CRYBG1: variants seen among roughly 807,000 people sequenced by gnomAD.
CRYBG1 encodes the protein crystallin beta-gamma domain containing 1.
A neutral mutation model predicts 189.2 loss-of-function variants in CRYBG1; 139 were observed. The observed-to-expected ratio is 0.73, with a 90% CI of 0.64 to 0.85. The LOEUF is 0.85. CRYBG1 is among the 40% of genes least tolerant of loss of function. The pLI is 0.00. For synonymous variants in CRYBG1, 1,023 were observed against 1,017.1 expected, an observed-to-expected ratio of 1.01 and a Z score of -0.11; for missense variants, 2,611 against 2,675.8, an observed-to-expected ratio of 0.98 and a Z score of 0.53.
chr6:106,435,561 C>T (rs1023688219), intron 1 of CRYBG1, among the ~76,000 whole-genome samples: 1 of 152,084 alleles, frequency 6.6e-6, no homozygotes, highest in African/African-American at 2.4e-5. Flanking sequence ...GTGAATTTCT[C>T]TGCAGTATTG....
chr6:106,464,787 G>A (rs1046937432), intron 2 of CRYBG1, among the ~76,000 whole-genome samples: 5 of 152,130 alleles, frequency 3.3e-5, no homozygotes, highest in African/African-American at 7.2e-5. Flanking sequence ...TACTTCTTCC[G>A]AGAATTAACT....
intron 21 of CRYBG1, 103 bp from the exon 22 acceptor site, chr6:106,568,369 G>A (rs1774953652): frequency 3.2e-6 from 3 of 925,394 alleles, no homozygotes; most frequent in Admixed American, 3.9e-5. Context: ...TCTACACCTT[G>A]TTTACTTGCT....
intron 10 of CRYBG1, among the ~76,000 whole-genome samples, chr6:106,542,507 T>C (rs1774156048): frequency 1.3e-5 from 2 of 151,742 alleles, no homozygotes; most frequent in Non-Finnish European, 2.9e-5. Flanking sequence ...CTCAAACTCC[T>C]GAGCTCAAGT....
intron 21 of CRYBG1, among the ~76,000 whole-genome samples, chr6:106,566,362 T>C (rs1187202660): frequency 6.6e-6 from 1 of 151,896 alleles, no homozygotes; most frequent in Non-Finnish European, 1.5e-5. Context: ...CCAGAGCCCC[T>C]TCCTAAATGA....
chr6:106,401,463 A>G (rs1770718609), intron 1 of CRYBG1, among the ~76,000 whole-genome samples: 1 of 135,004 alleles, frequency 7.4e-6, no homozygotes, highest in African/African-American at 2.9e-5. Context: ...TGTGCAGGTT[A>G]GTTACATATG....
At chr6:106,454,963 C>T (rs960095444) in intron 2 of CRYBG1, 3 of 152,144 alleles carry the variant, frequency 2.0e-5, no homozygotes, top group African/African-American at 7.2e-5. Context: ...CTTGTATAAA[C>T]AAATACGGAT....
At position 106,433,753 on chromosome 6, in the gene CRYBG1, ATATGTG is replaced by A. The variant is rs1164926291; in HGVS notation, c.174-17937_174-17932del. On this transcript the variant is annotated intron_variant, in intron 1 of 21. Coordinates refer to ENST00000633556, the MANE Select transcript of CRYBG1 (RefSeq NM_001371242.2). Reference sequence around the variant, plus strand: ...TATATATACATATATATGTATATATATATGTGTATATATATATATGTATATATATAT... The same window carrying A: ...TATATATACATATATATGTATATATATATATATATATATGTATATATATAT... 2.7e-3 allele frequency among the ~76,000 whole-genome samples: 99 copies of A among 36,624 alleles called. 1 individual carries two copies. The highest frequency in any genetic ancestry group is 0.012 in the African/African-American group (95 of 8,236). The allele number at this position is 36,624 out of a possible 152,430, so 24.0% of individuals were successfully genotyped here. A position where few individuals can be genotyped will look rare whatever the true frequency, so the allele number is the denominator to read the frequency against.
At chr6:106,525,995 G>T (rs1001377550) in intron 6 of CRYBG1, among the ~76,000 whole-genome samples, 2 of 152,100 alleles carry the variant, frequency 1.3e-5, no homozygotes, top group African/African-American at 4.8e-5. Context: ...TAAATATTTT[G>T]ACAGTTTCTG....
At chr6:106,539,286 A>G (rs783397) in intron 8 of CRYBG1, 117 bp from the exon 9 acceptor site, 753,062 of 1,199,618 alleles carry the variant, frequency 0.63, 239,133 homozygotes, top group East Asian at 0.87. Flanking sequence ...ACCATTCATT[A>G]TGTAGGTCCG....
At chr6:106,484,597 G>A (rs1293201630) in intron 2 of CRYBG1, among the ~76,000 whole-genome samples, 3 of 152,210 alleles carry the variant, frequency 2.0e-5, no homozygotes, top group African/African-American at 7.2e-5. Flanking sequence ...GGGGATTACA[G>A]GTGTGAGCCA....
chr6:106,377,551 A>G (rs907830865), intron 1 of CRYBG1, among the ~76,000 whole-genome samples: 14 of 151,372 alleles, frequency 9.2e-5, no homozygotes, highest in Admixed American at 9.2e-4. Flanking sequence ...TATCACTGAC[A>G]GAATCTCTGA....
chr6:106,398,123 A>G (rs116007161), intron 1 of CRYBG1, among the ~76,000 whole-genome samples: 2,741 of 152,294 alleles, frequency 0.018, 77 homozygotes, highest in African/African-American at 0.064. Flanking sequence ...AGTGCAATAT[A>G]TAGATTGAAT....
intron 1 of CRYBG1, among the ~76,000 whole-genome samples, chr6:106,380,175 A>G (rs1770258946): frequency 6.6e-6 from 1 of 152,206 alleles, no homozygotes; most frequent in African/African-American, 2.4e-5. Context: ...GTTCATATTC[A>G]GGTCCCAACA....
intron 2 of CRYBG1, among the ~76,000 whole-genome samples, chr6:106,465,582 T>C (rs1296564299): frequency 6.6e-6 from 1 of 152,194 alleles, no homozygotes; most frequent in Non-Finnish European, 1.5e-5. Flanking sequence ...TGAATCCGTG[T>C]AGATTTCTTT....
intron 1 of CRYBG1, among the ~76,000 whole-genome samples, chr6:106,422,325 T>C (rs1162788811): frequency 9.3e-6 from 1 of 107,656 alleles, no homozygotes; most frequent in Non-Finnish European, 2.0e-5. Flanking sequence ...GGTTTTGTTA[T>C]TTATTTATTT....
chr6:106,542,128 A>ATG (rs67244548), intron 10 of CRYBG1, among the ~76,000 whole-genome samples: 3 of 149,582 alleles, frequency 2.0e-5, no homozygotes, highest in Admixed American at 6.7e-5. Context: ...ATACATATAT[A>ATG]TGTGTGTGTG....
intron 1 of CRYBG1, among the ~76,000 whole-genome samples, chr6:106,442,334 C>T (rs975073632): frequency 2.6e-5 from 4 of 152,016 alleles, no homozygotes; most frequent in Non-Finnish European, 4.4e-5. Flanking sequence ...AGACGAGTTT[C>T]GTGCCAGGTT....
chr6:106,520,208 A>G lies in CRYBG1; in HGVS notation c.3000A>G (p.Ala1000=). Residue 1000 remains alanine, a synonymous_variant, in exon 4 of 22, where the codon GCA becomes GCG. Transcript: ENST00000633556. ...HSNEPEVVSV[A]SCAPPQEEVL... ...ATGAACCTGAAGTGGTTTCCGTTGC[A>G]AGTTGTGCTCCCCCACAAGAGGAAG... 1.2e-6 allele frequency: 2 copies of G among 1,614,158 alleles called. No individual in the cohort carries two copies. Among genetic ancestry groups the G allele is most frequent in the Non-Finnish European group, 1.7e-6 (2 of 1,180,024 alleles).
chr6:106,536,281 G>T (rs1221739082), intron 8 of CRYBG1, among the ~76,000 whole-genome samples: 2 of 152,214 alleles, frequency 1.3e-5, no homozygotes, highest in African/African-American at 4.8e-5. Flanking sequence ...TATTTATGTT[G>T]TATCACAGCA....
Sources: allele counts gnomAD v4.1 joint callset (sites outside exome capture counted in the v4.1 genomes callset), GRCh38; gene constraint gnomAD v4.1.1; transcripts MANE v1.5; gene names NCBI Gene and HGNC (gene_info 2026-07-23, HGNC 2026-07-21).